Variants in FBXL17 observed in about 807,000 individuals in gnomAD.
FBXL17 encodes F-box and leucine rich repeat protein 17.
Under a neutral mutation model 66.2 loss-of-function variants are expected in FBXL17, and 22 were observed. The ratio of observed to expected loss-of-function variants is 0.33; its 90% confidence interval spans 0.24 to 0.47. The LOEUF is 0.47. Among genes scored for constraint, FBXL17 ranks in the 20% least tolerant of loss-of-function variants. FBXL17 has a pLI of 1.00. For missense variants in FBXL17, 878 were observed against 948.2 expected (o/e 0.93, Z 0.97); for synonymous variants, 474 against 400.5 (o/e 1.18, Z -2.19).
chr5:108,365,428 G>A (rs1262964567), intron 2 of FBXL17, among the ~76,000 whole-genome samples: 1 of 152,012 alleles, frequency 6.6e-6, no homozygotes, highest in Non-Finnish European at 1.5e-5. Context: ...GCTGGAGATT[G>A]GGTTATAAAA....
intron 6 of FBXL17, among the ~76,000 whole-genome samples, chr5:108,110,620 T>C (rs778364531): frequency 1.3e-5 from 2 of 152,198 alleles, no homozygotes; most frequent in African/African-American, 2.4e-5. Flanking sequence ...CATTTTTCGA[T>C]GCTGAGTAAT....
chr5:107,868,984 A>C (rs1748366654), intron 8 of FBXL17, among the ~76,000 whole-genome samples: 1 of 152,218 alleles, frequency 6.6e-6, no homozygotes, highest in African/African-American at 2.4e-5. Flanking sequence ...TTCTTGTGTG[A>C]AATAGCTCTG....
At chr5:108,356,073 G>C (rs1474346664) in intron 3 of FBXL17, among the ~76,000 whole-genome samples, 2 of 152,068 alleles carry the variant, frequency 1.3e-5, no homozygotes, top group African/African-American at 4.8e-5. Context: ...TCAAAAGAAA[G>C]CAGAAGTAGC....
chr5:107,905,984 A>G (rs1580700709), intron 7 of FBXL17, among the ~76,000 whole-genome samples: 1 of 152,160 alleles, frequency 6.6e-6, no homozygotes, highest in South Asian at 2.1e-4. Flanking sequence ...GGGCATGACC[A>G]CATTGGGAAC....
At chr5:108,326,726 C>T (rs1049049178) in intron 4 of FBXL17, among the ~76,000 whole-genome samples, 3 of 152,070 alleles carry the variant, frequency 2.0e-5, no homozygotes, top group African/African-American at 7.2e-5. Context: ...AAATAAGGTA[C>T]CACCATACAC....
chr5:107,923,349 C>T lies in FBXL17; in HGVS notation c.1823-42170G>A, dbSNP rs148822860. Among the ~76,000 whole-genome samples the T allele has an allele frequency of 1.1e-4, 17 of 152,298 alleles. No homozygotes were observed. The East Asian group carries it at 3.1e-3, about 28-fold the overall frequency. On this transcript the variant is annotated intron_variant, in intron 7 of 8. Coordinates refer to ENST00000542267, the MANE Select transcript of FBXL17 (RefSeq NM_001163315.3). ...GGTGGCCTGTTATGGCGTTTTCATC[C>T]TTTCCCAGTCTTGGTAAATAGGCCC...
intron 7 of FBXL17, among the ~76,000 whole-genome samples, chr5:107,946,304 TATATA>T (rs1751290875): frequency 1.0e-5 from 1 of 100,148 alleles, no homozygotes; most frequent in Non-Finnish European, 2.1e-5. Context: ...TATATATATA[TATATA>T]TTAGTGACAG....
intron 7 of FBXL17, among the ~76,000 whole-genome samples, chr5:107,885,787 T>G (rs1388121089): frequency 6.6e-6 from 1 of 152,066 alleles, no homozygotes; most frequent in Non-Finnish European, 1.5e-5. Flanking sequence ...CACAAAATAC[T>G]GTGTAACTAT....
chr5:108,119,390 T>C (rs1750387224), intron 6 of FBXL17, among the ~76,000 whole-genome samples: 1 of 152,200 alleles, frequency 6.6e-6, no homozygotes, highest in Admixed American at 6.5e-5. Flanking sequence ...ACCAGGGCTA[T>C]ATGAGCAGGT....
intron 7 of FBXL17, among the ~76,000 whole-genome samples, chr5:107,972,232 CAG>C (rs1370325639): frequency 1.3e-5 from 2 of 152,118 alleles, no homozygotes; most frequent in African/African-American, 4.8e-5. Context: ...TACTTATTTA[CAG>C]AGAGGCAAAC....
intron 7 of FBXL17, among the ~76,000 whole-genome samples, chr5:107,954,882 G>T (rs1369172161): frequency 6.6e-6 from 1 of 152,194 alleles, no homozygotes; most frequent in East Asian, 1.9e-4. Context: ...AGAACTATAG[G>T]TTGCAAAATT....
At chr5:108,019,108 A>T (rs1255825900) in intron 7 of FBXL17, among the ~76,000 whole-genome samples, 1 of 152,170 alleles carries the variant, frequency 6.6e-6, no homozygotes, top group Non-Finnish European at 1.5e-5. Flanking sequence ...CTCCTGTAGA[A>T]AAACAACACT....
At chr5:108,360,854 C>T (rs1327372096) in intron 3 of FBXL17, among the ~76,000 whole-genome samples, 1 of 152,080 alleles carries the variant, frequency 6.6e-6, no homozygotes, top group African/African-American at 2.4e-5. Context: ...CTCACTTCGG[C>T]TCTTGAATCC....
intron 6 of FBXL17, among the ~76,000 whole-genome samples, chr5:108,183,774 G>A (rs985943602): frequency 2.6e-5 from 4 of 151,930 alleles, no homozygotes; most frequent in Admixed American, 2.0e-4. Context: ...ATGCCATTGC[G>A]CACCAGTAGT....
At chr5:108,057,668 C>A (rs562731912) in intron 6 of FBXL17, among the ~76,000 whole-genome samples, 4 of 152,290 alleles carry the variant, frequency 2.6e-5, no homozygotes, top group African/African-American at 9.6e-5. Flanking sequence ...AGTATATAAA[C>A]CTTCCCATGT....
chr5:108,164,842 C>A lies in FBXL17; in HGVS notation c.1745+21275G>T, dbSNP rs148951531. ...AAATCCAGATGGTTTGGCTCCAGAG[C>A]TGATGCTCGTATCTACTACAGTATT... On this transcript the variant is annotated intron_variant, in intron 6 of 8. Transcript: ENST00000542267. Among the ~76,000 whole-genome samples, 200 of 152,318 alleles carry A rather than the reference C, an allele frequency of 1.3e-3. No individual in the cohort carries two copies. In the Middle Eastern group the frequency reaches 0.027, roughly 21 times the overall value.
intron 7 of FBXL17, among the ~76,000 whole-genome samples, chr5:108,010,017 T>C (rs1302533716): frequency 6.6e-6 from 1 of 152,146 alleles, no homozygotes; most frequent in Non-Finnish European, 1.5e-5. Flanking sequence ...GATCCAGTTC[T>C]TACTTATATA....
chr5:108,096,264 C>A (rs748756337), intron 6 of FBXL17, among the ~76,000 whole-genome samples: 5 of 152,146 alleles, frequency 3.3e-5, no homozygotes, highest in Non-Finnish European at 7.4e-5. Context: ...AGTAAGAAGC[C>A]ATTAATTCAT....
chr5:107,899,647 G>C (rs932586363), intron 7 of FBXL17, among the ~76,000 whole-genome samples: 1 of 152,102 alleles, frequency 6.6e-6, no homozygotes, highest in Non-Finnish European at 1.5e-5. Context: ...TGGGAAGTTG[G>C]TGCCCCTACA....
Sources: allele counts gnomAD v4.1 joint callset (sites outside exome capture counted in the v4.1 genomes callset), GRCh38; gene constraint gnomAD v4.1.1; transcripts MANE v1.5; gene names NCBI Gene and HGNC (gene_info 2026-07-23, HGNC 2026-07-21).